The following ADAM10 variants were observed in gnomAD, a reference collection of about 807,000 sequenced individuals.
The protein encoded by ADAM10 is ADAM metallopeptidase domain 10.
ADAM10 carries 17 observed loss-of-function variants against 90.1 expected under a neutral mutation model. That is an observed-to-expected ratio of 0.19 (90% CI 0.13 to 0.28). The LOEUF is 0.28. Ranked by LOEUF, ADAM10 falls within the 10% of genes least tolerant of loss-of-function variation. The pLI is 1.00. For synonymous variants in ADAM10, 310 were observed against 298.6 expected, an observed-to-expected ratio of 1.04 and a Z score of -0.40; for missense variants, 610 against 914.3, an observed-to-expected ratio of 0.67 and a Z score of 4.29.
rs1375056328 is a variant in ADAM10, at chr15:58,596,093, A to G, written c.*1454T>C. On this transcript the variant is annotated 3_prime_UTR_variant, in exon 16 of 16. Transcript: ENST00000260408. Reference sequence around the variant, plus strand: ...GTGTAAACCTTATACTCTTAAAAAAAAAAAGGAAAAAAAAAAACCCAAAAC... The same window carrying G: ...GTGTAAACCTTATACTCTTAAAAAAGAAAAGGAAAAAAAAAAACCCAAAAC... 1 of 135,258 alleles carries G rather than the reference A, an allele frequency of 7.4e-6. No homozygotes were observed. The highest frequency in any genetic ancestry group is 2.4e-4 in the South Asian group (1 of 4,180). 8.4% of individuals were successfully genotyped at this position (135,258 alleles called of 1,614,324 possible).
At chr15:58,723,856 A>G (rs1016208240) in intron 1 of ADAM10, among the ~76,000 whole-genome samples, 1 of 152,226 alleles carries the variant, frequency 6.6e-6, no homozygotes, top group South Asian at 2.1e-4. Flanking sequence ...GGAAAATAGA[A>G]AAAGAATCCA....
intron 9 of ADAM10, among the ~76,000 whole-genome samples, chr15:58,628,814 C>T (rs907578484): frequency 6.6e-6 from 1 of 152,194 alleles, no homozygotes; most frequent in African/African-American, 2.4e-5. Context: ...AAGAAAAAGA[C>T]TGCCCAAGGA....
chr15:58,691,421 C>T, intron 2 of ADAM10: 1 of 678,716 alleles, frequency 1.5e-6, no homozygotes, highest in Non-Finnish European at 2.8e-6. Context: ...TGGCTACCTG[C>T]TCTTTGCACT....
At chr15:58,655,677 C>CTATATATAGT (rs1555414878) in intron 5 of ADAM10, among the ~76,000 whole-genome samples, 1,666 of 72,374 alleles carry the variant, frequency 0.023, 218 homozygotes, top group East Asian at 0.12. Flanking sequence ...TACATACATA[C>CTATATATAGT]ATATATATAT....
intron 1 of ADAM10, among the ~76,000 whole-genome samples, chr15:58,724,012 C>A (rs1898948351): frequency 6.6e-6 from 1 of 151,970 alleles, no homozygotes; most frequent in Admixed American, 6.6e-5. Context: ...AGGTGGATCA[C>A]CCAAGGTCAG....
In ADAM10 at chr15:58,646,049, A is replaced by C; in HGVS notation, c.735+6T>G. On this transcript the variant is annotated splice_donor_region_variant and intron_variant, in intron 6 of 15. Coordinates refer to ENST00000260408, the MANE Select transcript of ADAM10 (RefSeq NM_001110.4). ...AACTACTAAAATAGCGCATAATCAT[A>C]AATACCTGGGCAATCACAGCTTCTC... 1.2e-6 allele frequency: 2 copies of C among 1,613,344 alleles called. No individual in the cohort carries two copies. The highest frequency in any genetic ancestry group is 1.1e-5 in the South Asian group (1 of 91,068).
chr15:58,624,161 C>A (rs1353754372), intron 10 of ADAM10, among the ~76,000 whole-genome samples: 1 of 151,960 alleles, frequency 6.6e-6, no homozygotes, highest in East Asian at 2.0e-4. Context: ...TGGCGCACTC[C>A]TGCAGCCCCA....
intron 2 of ADAM10, among the ~76,000 whole-genome samples, chr15:58,709,981 G>A (rs1339759782): frequency 6.6e-6 from 1 of 152,024 alleles, no homozygotes; most frequent in Non-Finnish European, 1.5e-5. Flanking sequence ...CCTGGTTAGT[G>A]CTTAAAAACA....
At chr15:58,687,551 T>C (rs1331997327) in intron 2 of ADAM10, among the ~76,000 whole-genome samples, 1 of 151,106 alleles carries the variant, frequency 6.6e-6, no homozygotes, top group African/African-American at 2.5e-5. Flanking sequence ...TTTGAAGAGC[T>C]TGGAAATAAA....
intron 5 of ADAM10, among the ~76,000 whole-genome samples, chr15:58,655,682 ATATAT>A (rs1896793730): frequency 1.1e-5 from 1 of 89,726 alleles, no homozygotes; most frequent in African/African-American, 6.4e-5. Context: ...ACATACATAT[ATATAT>A]TATATATAGT....
At chr15:58,601,138 G>GC (rs1170597725) in intron 14 of ADAM10, among the ~76,000 whole-genome samples, 6 of 152,070 alleles carry the variant, frequency 3.9e-5, no homozygotes, top group African/African-American at 1.2e-4. Flanking sequence ...AAGAAAAGTT[G>GC]CAAGTACAAT....
At chr15:58,747,930 G>C (rs1407015572) in intron 1 of ADAM10, 1 of 152,132 alleles carries the variant, frequency 6.6e-6, no homozygotes, top group Non-Finnish European at 1.5e-5. Context: ...ATAGAGAACA[G>C]TGTCTTAACT....
At position 58,627,593 on chromosome 15, in the gene ADAM10, A is replaced by G. The variant is rs113380424; in HGVS notation, c.1360+107T>C. ...AAGGGAATACAGCAAAGTGTTAGCA[A>G]TAGTAAAATGCAGGTGGTGGGTATG... On this transcript the variant is annotated intron_variant, in intron 10 of 15. Coordinates refer to ENST00000260408, the MANE Select transcript of ADAM10 (RefSeq NM_001110.4). The G allele has an allele frequency of 2.3e-4, 210 of 916,278 alleles. No homozygotes were observed. In the African/African-American group the frequency reaches 3.1e-3, roughly 14 times the overall value. 56.8% of individuals were successfully genotyped at this position (916,278 alleles called of 1,614,324 possible). A position where few individuals can be genotyped will look rare whatever the true frequency, so the allele number is the denominator to read the frequency against.
chr15:58,597,765 A>G, intron 15 of ADAM10, 124 bp from the exon 16 acceptor site: 1 of 941,010 alleles, frequency 1.1e-6, no homozygotes, highest in Non-Finnish European at 1.5e-6. Context: ...ATGGGCCATC[A>G]ATGTAATTTA....
intron 5 of ADAM10, among the ~76,000 whole-genome samples, chr15:58,655,912 A>G (rs1193671861): frequency 1.3e-5 from 2 of 150,216 alleles, no homozygotes; most frequent in Admixed American, 6.7e-5. Flanking sequence ...ACACCCAGCT[A>G]ATTTTTCTAT....
chr15:58,738,941 C>T (rs1189731805), intron 1 of ADAM10, among the ~76,000 whole-genome samples: 1 of 152,142 alleles, frequency 6.6e-6, no homozygotes, highest in African/African-American at 2.4e-5. Context: ...CACACAGCCA[C>T]CACCTCACTT....
intron 2 of ADAM10, among the ~76,000 whole-genome samples, chr15:58,689,726 A>G (rs1217728390): frequency 3.9e-5 from 6 of 152,094 alleles, no homozygotes; most frequent in Non-Finnish European, 8.8e-5. Context: ...AAACTCCTTA[A>G]AAGGTACAAA....
At chr15:58,733,645 G>A (rs914531057) in intron 1 of ADAM10, among the ~76,000 whole-genome samples, 6 of 152,098 alleles carry the variant, frequency 3.9e-5, no homozygotes, top group Admixed American at 3.9e-4. Context: ...GATACTGAGG[G>A]AGAAACTGCA....
rs16940678 is a variant in ADAM10 at position 58,705,359 on chromosome 15, T to C, written c.206+12218A>G. On this transcript the variant is annotated intron_variant, in intron 2 of 15. Transcript: ENST00000260408. ...AGTATTATGTTTCTCATCTTGATTATAGCGGTTCTATTATGATTCTTTTTT... is the reference window on the plus strand; with the variant it reads ...AGTATTATGTTTCTCATCTTGATTACAGCGGTTCTATTATGATTCTTTTTT... Among the ~76,000 whole-genome samples the C allele has an allele frequency of 8.4e-3, 1,286 of 152,322 alleles. 19 individuals are homozygous for C. Among genetic ancestry groups the C allele is most frequent in the African/African-American group, 0.029 (1,224 of 41,576 alleles).
Sources: allele counts gnomAD v4.1 joint callset (sites outside exome capture counted in the v4.1 genomes callset), GRCh38; gene constraint gnomAD v4.1.1; transcripts MANE v1.5; gene names NCBI Gene and HGNC (gene_info 2026-07-23, HGNC 2026-07-21).